The following SMPD3 variants were observed in gnomAD, a reference collection of about 807,000 sequenced individuals.
The protein encoded by SMPD3 is sphingomyelin phosphodiesterase 3.
SMPD3 carries 21 observed loss-of-function variants against 55.7 expected under a neutral mutation model. The ratio of observed to expected loss-of-function variants is 0.38; its 90% CI spans 0.27 to 0.54. The LOEUF is 0.54. Among genes scored for constraint, SMPD3 ranks in the 20% least tolerant of loss-of-function variants. The pLI is 0.80. For missense variants in SMPD3, 842 were observed against 899.6 expected, an observed-to-expected ratio of 0.94 and a Z score of 0.82; for synonymous variants, 457 against 404.3, an observed-to-expected ratio of 1.13 and a Z score of -1.56.
At chr16:68,380,481 T>C (rs555223558) in intron 2 of SMPD3, among the ~76,000 whole-genome samples, 31 of 152,368 alleles carry the variant, frequency 2.0e-4, no homozygotes, top group African/African-American at 7.5e-4. Flanking sequence ...TGCTGAGGCC[T>C]GTGCCTGGGC....
intron 7 of SMPD3, among the ~76,000 whole-genome samples, chr16:68,362,119 C>A (rs2089306138): frequency 6.6e-6 from 1 of 152,194 alleles, no homozygotes; most frequent in Non-Finnish European, 1.5e-5. Flanking sequence ...TTGGTCTTTG[C>A]CATGAGTCTC....
intron 1 of SMPD3, among the ~76,000 whole-genome samples, chr16:68,442,982 T>C (rs2090579218): frequency 6.6e-6 from 1 of 152,210 alleles, no homozygotes; most frequent in African/African-American, 2.4e-5. Flanking sequence ...CAGCTTGATA[T>C]GAAGAATTTT....
intron 1 of SMPD3, among the ~76,000 whole-genome samples, chr16:68,409,647 G>A (rs996337177): frequency 1.3e-5 from 2 of 152,300 alleles, no homozygotes; most frequent in Middle Eastern, 3.4e-3. Flanking sequence ...AGGCTGGAGT[G>A]CAGTGGCGCG....
Position 68,361,067 on chromosome 16 carries a change from A to C in SMPD3, c.*139T>G. ...AGAGGCGCAGAGCAGCGCAGCTTCC[A>C]GGTTCCCGGGCACTGACTGTGGCTC... On this transcript the variant is annotated 3_prime_UTR_variant, in exon 9 of 9. Coordinates refer to ENST00000219334, the MANE Select transcript of SMPD3 (RefSeq NM_018667.4). 1 of 752,032 alleles carries C rather than the reference A, an allele frequency of 1.3e-6. No homozygotes were observed. The highest frequency in any genetic ancestry group is 2.1e-6 in the Non-Finnish European group (1 of 469,728). 46.6% of individuals were successfully genotyped at this position (752,032 alleles called of 1,614,324 possible).
chr16:68,412,563 G>GCCTA (rs1466561605), intron 1 of SMPD3, among the ~76,000 whole-genome samples: 6 of 152,206 alleles, frequency 3.9e-5, no homozygotes, highest in African/African-American at 1.4e-4. Context: ...CTCACTCAGA[G>GCCTA]CCTACCTGCT....
chr16:68,443,725 G>A (rs1238826793), intron 1 of SMPD3, among the ~76,000 whole-genome samples: 1 of 152,196 alleles, frequency 6.6e-6, no homozygotes, highest in East Asian at 1.9e-4. Context: ...TGGAAAGACT[G>A]ATTTGTGTCT....
intron 3 of SMPD3, 129 bp from the exon 4 acceptor site, chr16:68,365,221 G>A (rs1286907962): frequency 1.1e-6 from 1 of 874,292 alleles, no homozygotes; most frequent in Non-Finnish European, 1.8e-6. Flanking sequence ...GGATTCTGGG[G>A]TCCGAGTAGG....
At position 68,365,003 on chromosome 16, in the gene SMPD3, G is replaced by T. The variant is rs757036244; in HGVS notation, c.1399+14C>A. 3 of 1,614,090 alleles carry T rather than the reference G, an allele frequency of 1.9e-6. No homozygotes were observed. The highest frequency in any genetic ancestry group is 2.2e-5 in the East Asian group (1 of 44,884). ...CCCATGCCTAGAAAAAACACAGGTG[G>T]GCGGCAACCCTACCTTGCGGGGCAT... is the stretch of plus-strand genomic sequence containing the variant. On this transcript the variant is annotated intron_variant, in intron 4 of 8. Transcript: ENST00000219334.
intron 1 of SMPD3, among the ~76,000 whole-genome samples, chr16:68,407,524 G>A (rs1194955831): frequency 6.6e-6 from 1 of 151,970 alleles, no homozygotes; most frequent in Admixed American, 6.6e-5. Context: ...TTAAGAGATG[G>A]AGTCTTTGCT....
At chr16:68,362,040 A>G (rs941289622) in intron 7 of SMPD3, among the ~76,000 whole-genome samples, 1 of 152,244 alleles carries the variant, frequency 6.6e-6, no homozygotes, top group Non-Finnish European at 1.5e-5. Flanking sequence ...GAACTCGGAC[A>G]GAACTGATCC....
rs1408809804 is a variant in SMPD3, at chr16:68,371,514, T to C, written c.668A>G (p.Glu223Gly). 6.3e-7 allele frequency: 1 copy of C among 1,599,430 alleles called. No homozygotes were observed. The highest frequency in any genetic ancestry group is 1.3e-5 in the African/African-American group (1 of 74,786). ...KGDGGRHPGD[E>G]AANGPASGDP... ...CCCAGAGGCTGGGCCGTTGGCAGCC[T>C]CGTCACCGGGGTGCCGCCCACCGTC... The change falls in exon 3 of 9, where the codon GAG (glutamate) becomes GGG (glycine). Residue 223 changes from glutamate (E) to glycine (G), a missense_variant. Glu to Gly is a moderately conservative substitution (Grantham distance 98). This residue lies in a region of SMPD3 where 649 missense variants were observed against 643.6 expected (regional missense o/e 1.01). Coordinates refer to ENST00000219334, the MANE Select transcript of SMPD3 (RefSeq NM_018667.4).
In SMPD3 at chr16:68,360,724, T is replaced by G; in HGVS notation, c.*482A>C. ...GAAGTGCTTCTTTGGCTGGTTCTGA[T>G]TGTGTTTGGAGTTTGGCCTTGGGTG... On this transcript the variant is annotated 3_prime_UTR_variant, in exon 9 of 9. Transcript: ENST00000219334. 6.3e-6 allele frequency: 1 copy of G among 158,504 alleles called. No individual in the cohort carries two copies. Among genetic ancestry groups the G allele is most frequent in the Non-Finnish European group, 1.4e-5 (1 of 71,722 alleles). 9.8% of individuals were successfully genotyped at this position (158,504 alleles called of 1,614,324 possible).
intron 2 of SMPD3, among the ~76,000 whole-genome samples, chr16:68,384,189 T>A (rs947704257): frequency 1.3e-5 from 2 of 152,218 alleles, no homozygotes; most frequent in African/African-American, 4.8e-5. Context: ...AGTCCCCCAC[T>A]GTGCCCTTCC....
chr16:68,418,620 G>A (rs2090358937), intron 1 of SMPD3, among the ~76,000 whole-genome samples: 1 of 152,194 alleles, frequency 6.6e-6, no homozygotes. Context: ...GGCAGCAGAG[G>A]AGGATTCAAT....
At position 68,418,303 on chromosome 16, in the gene SMPD3, A is replaced by C. The variant is rs933164874; in HGVS notation, c.-269+30050T>G. Among the ~76,000 whole-genome samples, 6 of 152,228 alleles carry C rather than the reference A, an allele frequency of 3.9e-5. No individual in the cohort carries two copies. The South Asian group carries it at 1.0e-3, about 26-fold the overall frequency. ...ACATGACTCAAATACCCACAAGAGA[A>C]ATGAGCACCTACTTGGCTGGAGGAA... On this transcript the variant is annotated intron_variant, in intron 1 of 8. Coordinates refer to ENST00000219334, the MANE Select transcript of SMPD3 (RefSeq NM_018667.4).
intron 1 of SMPD3, among the ~76,000 whole-genome samples, chr16:68,423,835 G>A (rs575114236): frequency 2.0e-5 from 3 of 152,196 alleles, no homozygotes; most frequent in African/African-American, 7.2e-5. Flanking sequence ...ACTGGCACAA[G>A]TGAAACAAGT....
chr16:68,380,224 A>T (rs1184929082), intron 2 of SMPD3, among the ~76,000 whole-genome samples: 1 of 152,188 alleles, frequency 6.6e-6, no homozygotes, highest in East Asian at 1.9e-4. Context: ...AACCAGCCTG[A>T]CAACCAGACT....
At chr16:68,392,122 C>T (rs2090116673) in intron 1 of SMPD3, among the ~76,000 whole-genome samples, 1 of 152,168 alleles carries the variant, frequency 6.6e-6, no homozygotes, top group Non-Finnish European at 1.5e-5. Context: ...GAAATTCTGA[C>T]CTCAGGTGAT....
chr16:68,405,217 G>C (rs985521728), intron 1 of SMPD3, among the ~76,000 whole-genome samples: 22 of 152,182 alleles, frequency 1.4e-4, no homozygotes, highest in Admixed American at 5.9e-4. Flanking sequence ...GGACCACACG[G>C]TTCCATGACT....
Sources: gnomAD v4.1 joint callset for allele counts (sites outside exome capture counted in the v4.1 genomes callset) on GRCh38, gnomAD v4.1.1 for gene constraint, gnomAD v4.1.1 regional missense constraint, MANE v1.5 for transcripts, NCBI Gene and HGNC (gene_info 2026-07-23, HGNC 2026-07-21) for gene names.